STXBP5: variants seen among roughly 807,000 people sequenced by gnomAD.
The protein encoded by STXBP5 is syntaxin-binding protein 5.
Under a neutral mutation model 152.4 loss-of-function variants are expected in STXBP5, and 50 were observed. The observed-to-expected ratio is 0.33, with a 90% CI of 0.26 to 0.42. The LOEUF (loss-of-function observed/expected upper bound fraction) is 0.42, where lower values mean the gene tolerates loss of function less well. Among genes scored for constraint, STXBP5 ranks in the 10% least tolerant of loss-of-function variants. The probability of loss-of-function intolerance (pLI) is 1.00; values close to 1 mark genes in which losing one functional copy is unlikely to be tolerated. For synonymous variants in STXBP5, 492 were observed against 494.7 expected, an observed-to-expected ratio of 0.99 and a Z score of 0.07; for missense variants, 1,167 against 1,388.6, an observed-to-expected ratio of 0.84 and a Z score of 2.54.
intron 23 of STXBP5, among the ~76,000 whole-genome samples, chr6:147,362,084 G>A (rs1435603095): frequency 2.0e-5 from 3 of 152,070 alleles, no homozygotes; most frequent in African/African-American, 7.2e-5. Flanking sequence ...GGACAGATAT[G>A]TAGCTTTTGG....
chr6:147,260,012 G>T (rs996968056), intron 4 of STXBP5, among the ~76,000 whole-genome samples: 2 of 152,118 alleles, frequency 1.3e-5, no homozygotes, highest in African/African-American at 4.8e-5. Flanking sequence ...CAGAAACATT[G>T]TCTAAGACTG....
intron 4 of STXBP5, among the ~76,000 whole-genome samples, chr6:147,251,853 G>A (rs1046262076): frequency 2.0e-5 from 3 of 152,120 alleles, no homozygotes; most frequent in African/African-American, 7.2e-5. Flanking sequence ...TCGGCTGGTG[G>A]GTGCCCCTTC....
At chr6:147,248,472 A>G (rs372845862) in intron 4 of STXBP5, among the ~76,000 whole-genome samples, 1 of 152,142 alleles carries the variant, frequency 6.6e-6, no homozygotes, top group African/African-American at 2.4e-5. Flanking sequence ...AGAAGACAAA[A>G]GTCAGTCATC....
chr6:147,209,960 G>T (rs1353406019), intron 2 of STXBP5, among the ~76,000 whole-genome samples: 1 of 152,142 alleles, frequency 6.6e-6, no homozygotes, highest in Non-Finnish European at 1.5e-5. Flanking sequence ...TTTAACCTGA[G>T]GTATCTGCAT....
chr6:147,290,942 A>G (rs75279212), intron 8 of STXBP5, 152 bp from the exon 9 acceptor site: 1 of 492,720 alleles, frequency 2.0e-6, no homozygotes, highest in East Asian at 3.3e-5. Context: ...TTTAAAAAAT[A>G]TCTTACTGTG....
chr6:147,310,411 A>T (rs1444693547), intron 10 of STXBP5, among the ~76,000 whole-genome samples, 173 bp downstream of exon 10: 1 of 152,200 alleles, frequency 6.6e-6, no homozygotes, highest in Admixed American at 6.5e-5. Flanking sequence ...TAATAAATTT[A>T]ATCTGTTTTG....
At chr6:147,357,550 TAAA>T (rs1784869012) in intron 22 of STXBP5, among the ~76,000 whole-genome samples, 1 of 152,146 alleles carries the variant, frequency 6.6e-6, no homozygotes, top group Non-Finnish European at 1.5e-5. Flanking sequence ...CTATGCCTTA[TAAA>T]ATTTAATTAT....
chr6:147,235,748 C>T (rs781024633), intron 3 of STXBP5, among the ~76,000 whole-genome samples: 4 of 152,026 alleles, frequency 2.6e-5, no homozygotes, highest in African/African-American at 7.2e-5. Context: ...AGTTTCTGCC[C>T]AGAGTTCTTA....
chr6:147,236,482 C>A (rs1463228378), intron 3 of STXBP5, among the ~76,000 whole-genome samples: 1 of 152,100 alleles, frequency 6.6e-6, no homozygotes, highest in Non-Finnish European at 1.5e-5. Context: ...CCAATAGTTA[C>A]ATTTTATATA....
At chr6:147,356,464 T>G (rs948734284) in intron 22 of STXBP5, among the ~76,000 whole-genome samples, 1 of 151,772 alleles carries the variant, frequency 6.6e-6, no homozygotes, top group African/African-American at 2.4e-5. Flanking sequence ...AATAAATATT[T>G]GTAATTAATA....
At chr6:147,263,905 A>G (rs1779761885) in intron 6 of STXBP5, among the ~76,000 whole-genome samples, 1 of 151,974 alleles carries the variant, frequency 6.6e-6, no homozygotes, top group Non-Finnish European at 1.5e-5. Context: ...AAATGTGTGC[A>G]TATCTCAGCT....
chr6:147,233,616 G>A (rs1052172513), intron 2 of STXBP5, among the ~76,000 whole-genome samples: 7 of 151,686 alleles, frequency 4.6e-5, no homozygotes, highest in African/African-American at 1.7e-4. Flanking sequence ...ATTGGTGCCA[G>A]AAAGAATAAT....
intron 6 of STXBP5, among the ~76,000 whole-genome samples, 196 bp from the exon 7 acceptor site, chr6:147,266,888 C>T (rs1280732503): frequency 6.6e-6 from 1 of 152,102 alleles, no homozygotes; most frequent in Non-Finnish European, 1.5e-5. Context: ...CCCTAATCAT[C>T]AAAGACATAT....
At chr6:147,245,846 G>A (rs139285477) in intron 4 of STXBP5, among the ~76,000 whole-genome samples, 7 of 152,126 alleles carry the variant, frequency 4.6e-5, no homozygotes, top group East Asian at 1.9e-4. Flanking sequence ...GATAGCTGCC[G>A]ATACCAGCAA....
chr6:147,275,509 A>G (rs1443830556), intron 7 of STXBP5, among the ~76,000 whole-genome samples: 1 of 126,042 alleles, frequency 7.9e-6, no homozygotes, highest in East Asian at 2.5e-4. Flanking sequence ...TTATTCATAT[A>G]TATGTATAAT....
chr6:147,372,265 A>G (rs1188480234), intron 25 of STXBP5, among the ~76,000 whole-genome samples: 1 of 152,002 alleles, frequency 6.6e-6, no homozygotes. Flanking sequence ...CTAAAAGAAA[A>G]CCTGAACAGC....
intron 8 of STXBP5, among the ~76,000 whole-genome samples, chr6:147,290,734 T>A (rs1194245510): frequency 6.6e-6 from 1 of 152,208 alleles, no homozygotes; most frequent in Non-Finnish European, 1.5e-5. Context: ...TGATGTAGAT[T>A]TATTTTTCTC....
At position 147,210,880 on chromosome 6, in the gene STXBP5, A is replaced by G. The variant is rs141371256; in HGVS notation, c.248+4812A>G. Among the ~76,000 whole-genome samples, 582 of 152,294 alleles carry G rather than the reference A, an allele frequency of 3.8e-3. 3 individuals carry two copies. Among genetic ancestry groups the G allele is most frequent in the African/African-American group, 0.013 (542 of 41,556 alleles). On this transcript the variant is annotated intron_variant, in intron 2 of 27. Coordinates refer to ENST00000321680, the MANE Select transcript of STXBP5 (RefSeq NM_001127715.4). ...GAGTTTTTCTGTGGCTTTAATTTTCAGGTCCTTCATTTCTCTCAGCGAATA... is the reference window on the plus strand; with the variant it reads ...GAGTTTTTCTGTGGCTTTAATTTTCGGGTCCTTCATTTCTCTCAGCGAATA...
intron 26 of STXBP5, among the ~76,000 whole-genome samples, chr6:147,376,126 G>A (rs758149190): frequency 2.0e-5 from 3 of 152,108 alleles, no homozygotes; most frequent in Non-Finnish European, 4.4e-5. Flanking sequence ...GCAAAATAAA[G>A]GTGTATGGCA....
Sources: allele counts gnomAD v4.1 joint callset (sites outside exome capture counted in the v4.1 genomes callset), GRCh38; gene constraint gnomAD v4.1.1; transcripts MANE v1.5; gene names NCBI Gene and HGNC (gene_info 2026-07-23, HGNC 2026-07-21).